The following ERICH1 variants were observed in gnomAD, a reference collection of about 807,000 sequenced individuals.
ERICH1 encodes the protein glutamate rich 1, also known as glutamate-rich protein 1.
ERICH1 carries 56 observed loss-of-function variants against 39.6 expected under a neutral mutation model. That is an observed-to-expected ratio of 1.41 (90% CI 1.14 to 1.77). The LOEUF is 1.77. Ranked by LOEUF, ERICH1 falls within the 40% of genes most tolerant of loss-of-function variation. ERICH1 has a pLI of 0.00. For missense variants in ERICH1, 826 were observed against 575.4 expected, an observed-to-expected ratio of 1.44 and a Z score of -4.45; for synonymous variants, 313 against 223.6, an observed-to-expected ratio of 1.40 and a Z score of -3.57.
downstream of ERICH1, chr8:664,156 T>C: frequency 1.3e-6 from 1 of 797,192 alleles, no homozygotes. Flanking sequence ...CCTGATATGA[T>C]TCACAAAGTA....
intron 2 of ERICH1, among the ~76,000 whole-genome samples, chr8:695,646 TCTCGCCCTCCA>T: frequency 4.0e-5 from 1 of 24,728 alleles, no homozygotes; most frequent in Non-Finnish European, 7.7e-5. Flanking sequence ...TGCTTGCTCC[TCTCGCCCTCCA>T]CTCCTCTCCT....
intron 3 of ERICH1, among the ~76,000 whole-genome samples, chr8:686,125 A>T (rs1037752890): frequency 6.6e-6 from 1 of 152,202 alleles, no homozygotes; most frequent in African/African-American, 2.4e-5. Flanking sequence ...ACTGCACTCC[A>T]GCTGGGATGA....
intron 3 of ERICH1, among the ~76,000 whole-genome samples, chr8:622,074 A>G (rs77986526): frequency 0.023 from 3,438 of 152,066 alleles, 114 homozygotes; most frequent in African/African-American, 0.078. Flanking sequence ...AAAAAAATTA[A>G]CCAAGCGTGG....
chr8:730,265 C>G (rs1316938659), intron 1 of ERICH1, among the ~76,000 whole-genome samples: 1 of 152,218 alleles, frequency 6.6e-6, no homozygotes, highest in Non-Finnish European at 1.5e-5. Flanking sequence ...AAAAGGAAGA[C>G]TTGAGACCAT....
chr8:645,710 C>G (rs1258480919), intron 3 of ERICH1, among the ~76,000 whole-genome samples: 1 of 68,610 alleles, frequency 1.5e-5, no homozygotes, highest in African/African-American at 3.7e-5. Context: ...CCAGGCTGGT[C>G]TCAAACTCCT....
chr8:626,576 G>C (rs1470048110), intron 3 of ERICH1: 1 of 158,126 alleles, frequency 6.3e-6, no homozygotes, highest in Non-Finnish European at 1.4e-5. Flanking sequence ...CAGAGACACA[G>C]TTCCCTCCGA....
At position 630,140 on chromosome 8, in the gene ERICH1, TCA is replaced by T. The variant is rs1797902296; in HGVS notation, c.977-14858_977-14857del. On this transcript the variant is annotated intron_variant, in intron 3 of 3. Coordinates refer to the ERICH1 transcript ENST00000522706. The stretch of plus-strand genomic sequence containing the variant: ...GAGCACCCACACAGACAGAGCTGAC[TCA>T]CACCCTCCCGTGACCACCCACACAG... Among the ~76,000 whole-genome samples the T allele has an allele frequency of 3.1e-5, 3 of 95,930 alleles. No individual in the cohort carries two copies. In the South Asian group the frequency reaches 1.0e-3, roughly 32 times the overall value. 62.9% of individuals were successfully genotyped at this position (95,930 alleles called of 152,430 possible).
At chr8:634,025 C>T (rs113651054) in intron 3 of ERICH1, among the ~76,000 whole-genome samples, 14 of 152,158 alleles carry the variant, frequency 9.2e-5, no homozygotes, top group African/African-American at 2.4e-4. Flanking sequence ...AAGCAGACAG[C>T]GGGACTGCGT....
At position 708,681 on chromosome 8, in the gene ERICH1, G is replaced by GTTTTTTGTTTTTTTTTTTTT; in HGVS notation, c.169+7179_169+7180insAAAAAAAAAAAAACAAAAAA. Among the ~76,000 whole-genome samples the GTTTTTTGTTTTTTTTTTTTT allele has an allele frequency of 6.2e-4, 41 of 65,774 alleles. 2 individuals are homozygous for GTTTTTTGTTTTTTTTTTTTT. Among genetic ancestry groups the GTTTTTTGTTTTTTTTTTTTT allele is most frequent in the East Asian group, 8.7e-4 (2 of 2,304 alleles). 43.2% of individuals were successfully genotyped at this position (65,774 alleles called of 152,430 possible). The stretch of plus-strand genomic sequence containing the variant: ...GGGCTGAGTGGTTACGGGATAATGA[G>GTTTTTTGTTTTTTTTTTTTT]TTTTTTTTTTTTTTTTTTTTTTTTT... On this transcript the variant is annotated intron_variant, in intron 2 of 5. Coordinates refer to ENST00000262109, the MANE Select transcript of ERICH1 (RefSeq NM_207332.3).
chr8:720,536 C>T (rs981772745), intron 1 of ERICH1, among the ~76,000 whole-genome samples: 1 of 152,066 alleles, frequency 6.6e-6, no homozygotes, highest in Non-Finnish European at 1.5e-5. Context: ...CGTTTAAATC[C>T]CGAGTTTTCA....
chr8:716,116 C>A, intron 1 of ERICH1, 109 bp from the exon 2 acceptor site: 1 of 1,335,056 alleles, frequency 7.5e-7, no homozygotes, highest in Non-Finnish European at 9.9e-7. Flanking sequence ...CCTGAAAGCA[C>A]CAACGGAGAC....
At chr8:687,786 T>G (rs1807808773) in intron 3 of ERICH1, among the ~76,000 whole-genome samples, 1 of 151,420 alleles carries the variant, frequency 6.6e-6, no homozygotes, top group Non-Finnish European at 1.5e-5. Context: ...CCGTAGTAGG[T>G]GGAATACGGG....
At chr8:637,429 G>A (rs1428325076) in intron 3 of ERICH1, 1 of 152,270 alleles carries the variant, frequency 6.6e-6, no homozygotes, top group African/African-American at 2.4e-5. Context: ...CCACGTGCTT[G>A]GGGTTTTGCT....
intron 3 of ERICH1, among the ~76,000 whole-genome samples, chr8:652,223 C>A (rs566733879): frequency 2.0e-5 from 3 of 152,208 alleles, no homozygotes. Context: ...ACCTTACTTC[C>A]GGTGGCAGGA....
At chr8:727,024 A>G (rs1231079292) in intron 1 of ERICH1, among the ~76,000 whole-genome samples, 1 of 151,598 alleles carries the variant, frequency 6.6e-6, no homozygotes, top group East Asian at 1.9e-4. Flanking sequence ...ACATGCATGC[A>G]CACACATACA....
intron 3 of ERICH1, among the ~76,000 whole-genome samples, chr8:677,336 C>T (rs1400202867): frequency 6.6e-6 from 1 of 152,222 alleles, no homozygotes. Context: ...ATTGCTGCCG[C>T]TTTGTGGAAG....
At chr8:640,471 G>C (rs1798855472) in intron 3 of ERICH1, 3 of 152,234 alleles carry the variant, frequency 2.0e-5, no homozygotes, top group Non-Finnish European at 1.5e-5. Flanking sequence ...GGCACAACTT[G>C]TTTGTCAGCT....
At chr8:638,830 C>T (rs1304880465) in intron 3 of ERICH1, among the ~76,000 whole-genome samples, 1 of 152,136 alleles carries the variant, frequency 6.6e-6, no homozygotes, top group East Asian at 1.9e-4. Flanking sequence ...TCATCGAGAG[C>T]AAGGCCACGG....
chr8:623,901 T>C (rs779850351), intron 3 of ERICH1, among the ~76,000 whole-genome samples: 2 of 152,170 alleles, frequency 1.3e-5, no homozygotes, highest in African/African-American at 2.4e-5. Context: ...AGTAGATAAA[T>C]TGGCTACATT....
Sources: gnomAD v4.1 joint callset for allele counts (sites outside exome capture counted in the v4.1 genomes callset) on GRCh38, gnomAD v4.1.1 for gene constraint, MANE v1.5 for transcripts, NCBI Gene and HGNC (gene_info 2026-07-23, HGNC 2026-07-21) for gene names.